Variants in NEGR1 observed in about 807,000 individuals in gnomAD.
NEGR1 encodes the protein neuronal growth regulator 1.
Under a neutral mutation model 40.9 loss-of-function variants are expected in NEGR1, and 10 were observed. The ratio of observed to expected loss-of-function variants is 0.24; its 90% CI spans 0.15 to 0.42. NEGR1 has a LOEUF of 0.42. Ranked by LOEUF, NEGR1 falls within the 10% of genes least tolerant of loss-of-function variation. NEGR1 has a pLI of 1.00. For synonymous variants in NEGR1, 185 were observed against 166.8 expected (o/e 1.11, Z -0.84); for missense variants, 352 against 438.9 (o/e 0.80, Z 1.77).
intron 1 of NEGR1, among the ~76,000 whole-genome samples, chr1:72,267,102 G>A (rs914610511): frequency 1.3e-5 from 2 of 150,934 alleles, no homozygotes; most frequent in East Asian, 3.9e-4. Context: ...ATGTTGAGGA[G>A]CTTCCAACGT....
At chr1:71,708,389 C>T (rs912678092) in intron 3 of NEGR1, among the ~76,000 whole-genome samples, 7 of 151,598 alleles carry the variant, frequency 4.6e-5, no homozygotes, top group Admixed American at 3.3e-4. Flanking sequence ...CATTGGAGTG[C>T]TCTAATAGCA....
intron 1 of NEGR1, among the ~76,000 whole-genome samples, chr1:72,121,500 G>A (rs1222035529): frequency 6.6e-6 from 1 of 151,872 alleles, no homozygotes; most frequent in Non-Finnish European, 1.5e-5. Context: ...CATCTCTTAA[G>A]AAGTAAATGT....
At chr1:72,020,247 C>A (rs556304461) in intron 1 of NEGR1, among the ~76,000 whole-genome samples, 1 of 152,032 alleles carries the variant, frequency 6.6e-6, no homozygotes, top group Non-Finnish European at 1.5e-5. Flanking sequence ...GCCTGAACCA[C>A]GAGAGGTAAA....
At chr1:71,621,553 T>C (rs920086140) in intron 4 of NEGR1, among the ~76,000 whole-genome samples, 1 of 151,836 alleles carries the variant, frequency 6.6e-6, no homozygotes, top group African/African-American at 2.4e-5. Flanking sequence ...GACAGAGTAC[T>C]AAGCTGTGAT....
At chr1:71,666,788 A>C (rs146818361) in intron 4 of NEGR1, among the ~76,000 whole-genome samples, 1 of 152,242 alleles carries the variant, frequency 6.6e-6, no homozygotes, top group East Asian at 1.9e-4. Flanking sequence ...ATTTCATCAT[A>C]CTTTAAAGTA....
At chr1:71,959,703 C>T (rs1272419430) in intron 1 of NEGR1, among the ~76,000 whole-genome samples, 1 of 151,966 alleles carries the variant, frequency 6.6e-6, no homozygotes, top group Non-Finnish European at 1.5e-5. Context: ...GTCAGGTTGC[C>T]AGGTGCTTCT....
At chr1:71,690,539 C>T (rs1272421156) in intron 4 of NEGR1, among the ~76,000 whole-genome samples, 1 of 148,338 alleles carries the variant, frequency 6.7e-6, no homozygotes, top group Non-Finnish European at 1.5e-5. Context: ...AATACACCAT[C>T]ACAAATGCAC....
intron 1 of NEGR1, among the ~76,000 whole-genome samples, chr1:72,133,565 G>T (rs1650336223): frequency 6.6e-6 from 1 of 151,852 alleles, no homozygotes; most frequent in Non-Finnish European, 1.5e-5. Context: ...ATAGTAACTT[G>T]TTAATTAAAA....
chr1:72,151,126 GAAAC>G (rs1557551938), intron 1 of NEGR1, among the ~76,000 whole-genome samples: 1 of 151,772 alleles, frequency 6.6e-6, no homozygotes, highest in African/African-American at 2.4e-5. Context: ...ACAATATAGA[GAAAC>G]AAACAAGAAA....
intron 6 of NEGR1, among the ~76,000 whole-genome samples, chr1:71,559,861 T>C (rs1648384876): frequency 6.6e-6 from 1 of 151,224 alleles, no homozygotes; most frequent in African/African-American, 2.4e-5. Flanking sequence ...CTTCAGGAAT[T>C]CCAAATGCTA....
chr1:72,185,581 T>C (rs1652583767), intron 1 of NEGR1, among the ~76,000 whole-genome samples: 7 of 151,902 alleles, frequency 4.6e-5, no homozygotes. Context: ...CATTGAGATG[T>C]TACCATGCAT....
intron 1 of NEGR1, among the ~76,000 whole-genome samples, chr1:71,950,816 G>A (rs1299727979): frequency 2.0e-5 from 3 of 151,878 alleles, no homozygotes; most frequent in Non-Finnish European, 4.4e-5. Context: ...GTCTCCTTAG[G>A]TCCTTAATTC....
chr1:72,039,111 A>G (rs1490859210), intron 1 of NEGR1, among the ~76,000 whole-genome samples: 2 of 152,010 alleles, frequency 1.3e-5, no homozygotes, highest in African/African-American at 4.8e-5. Flanking sequence ...GAGTCAAGGC[A>G]TGGAGGTAGA....
intron 2 of NEGR1, among the ~76,000 whole-genome samples, chr1:71,916,715 C>T (rs1661596236): frequency 6.6e-6 from 1 of 152,132 alleles, no homozygotes; most frequent in South Asian, 2.1e-4. Context: ...GAGATTGCAC[C>T]ATTGCACTCC....
rs1557613923 is a variant in NEGR1, at chr1:71,688,436, T to TATATATAAAAG, written c.667+9571_667+9572insCTTTTATATAT. Among the ~76,000 whole-genome samples, 42 of 16,818 alleles carry TATATATAAAAG rather than the reference T, an allele frequency of 2.5e-3. 3 individuals carry two copies. Among genetic ancestry groups the TATATATAAAAG allele is most frequent in the African/African-American group, 4.2e-3 (28 of 6,632 alleles). The allele number at this position is 16,818 out of a possible 152,430, so 11.0% of individuals were successfully genotyped here. ...ATATAAAAGATATATATATAAAAGATATATATATAAAAGATATGTATATAT... is the reference window on the plus strand; with the variant it reads ...ATATAAAAGATATATATATAAAAGATATATATAAAAGATATATATAAAAGATATGTATATAT... On this transcript the variant is annotated intron_variant, in intron 4 of 6. Coordinates refer to ENST00000357731, the MANE Select transcript of NEGR1 (RefSeq NM_173808.3).
At chr1:71,735,662 G>A (rs552746240) in intron 3 of NEGR1, among the ~76,000 whole-genome samples, 5 of 151,670 alleles carry the variant, frequency 3.3e-5, no homozygotes, top group Admixed American at 6.6e-5. Flanking sequence ...CACACACATC[G>A]TGGGTATACA....
At chr1:72,279,020 A>G (rs1656158188) in intron 1 of NEGR1, among the ~76,000 whole-genome samples, 1 of 152,130 alleles carries the variant, frequency 6.6e-6, no homozygotes, top group Non-Finnish European at 1.5e-5. Flanking sequence ...TCAGAAATTT[A>G]GCACAGAATA....
At chr1:71,612,307 T>C (rs1216555711) in intron 4 of NEGR1, among the ~76,000 whole-genome samples, 1 of 152,232 alleles carries the variant, frequency 6.6e-6, no homozygotes, top group Admixed American at 6.5e-5. Context: ...TTCAGTTCCT[T>C]GAAGGCAGGG....
intron 1 of NEGR1, among the ~76,000 whole-genome samples, chr1:72,180,110 C>A (rs897250489): frequency 6.6e-6 from 1 of 151,986 alleles, no homozygotes; most frequent in Non-Finnish European, 1.5e-5. Flanking sequence ...GGAGGCATCA[C>A]ACTTACTGAT....
Sources: gnomAD v4.1 joint callset for allele counts (sites outside exome capture counted in the v4.1 genomes callset) on GRCh38, gnomAD v4.1.1 for gene constraint, MANE v1.5 for transcripts, NCBI Gene and HGNC (gene_info 2026-07-23, HGNC 2026-07-21) for gene names.